Variants in MAOA observed in about 807,000 individuals in gnomAD.
MAOA encodes amine oxidase [flavin-containing] A.
MAOA carries 6 observed loss-of-function variants against 42.0 expected under a neutral mutation model. The ratio of observed to expected loss-of-function variants is 0.14; its 90% CI spans 0.08 to 0.28. The LOEUF is 0.28. MAOA is among the 10% of genes least tolerant of loss of function. The pLI is 1.00. For missense variants in MAOA, 262 were observed against 422.3 expected, an observed-to-expected ratio of 0.62 and a Z score of 3.33; for synonymous variants, 140 against 154.0, an observed-to-expected ratio of 0.91 and a Z score of 0.67.
At chrX:43,743,330 T>G (rs2033974586) in intron 12 of MAOA, among the ~76,000 whole-genome samples, 1 of 111,184 alleles carries the variant, frequency 9.0e-6, no homozygotes, top group Non-Finnish European at 1.9e-5. Context: ...CCAGAAATGA[T>G]AGTTGACGTC....
At chrX:43,687,791 CAG>C (rs757448087) in intron 2 of MAOA, among the ~76,000 whole-genome samples, 3 of 112,551 alleles carry the variant, frequency 2.7e-5, no homozygotes, top group East Asian at 2.8e-4. Context: ...CGAAAAAACT[CAG>C]AGTCATGCTC....
chrX:43,693,483 A>T, intron 3 of MAOA, 55 bp downstream of exon 3: 1 of 1,164,304 alleles, frequency 8.6e-7, no homozygotes. Flanking sequence ...ATTTGAGAAA[A>T]CATTTGGTTT....
intron 5 of MAOA, among the ~76,000 whole-genome samples, chrX:43,722,075 T>C (rs1362175041): frequency 8.9e-6 from 1 of 112,086 alleles, no homozygotes; most frequent in Non-Finnish European, 1.9e-5. Flanking sequence ...CACATTTTCT[T>C]CATCCAGTCT....
At chrX:43,684,536 C>CAAACAAAACAAAACA (rs751315529) in intron 2 of MAOA, among the ~76,000 whole-genome samples, 20 of 103,175 alleles carry the variant, frequency 1.9e-4, no homozygotes, top group East Asian at 3.1e-4. Context: ...AATATGAAGG[C>CAAACAAAACAAAACA]AAACAAAACA....
chrX:43,670,389 C>T (rs988925946), intron 1 of MAOA, among the ~76,000 whole-genome samples: 4 of 110,841 alleles, frequency 3.6e-5, no homozygotes, highest in African/African-American at 9.8e-5. Context: ...GGCATACATA[C>T]CATTGAATTT....
intron 5 of MAOA, among the ~76,000 whole-genome samples, chrX:43,726,116 A>G (rs765538413): frequency 2.7e-5 from 3 of 110,570 alleles, no homozygotes; most frequent in Non-Finnish European, 5.7e-5. Flanking sequence ...TTTTTCCTTC[A>G]TTTCAACCTT....
chrX:43,707,926 C>T (rs28375424), intron 3 of MAOA, among the ~76,000 whole-genome samples: 16,960 of 111,429 alleles, frequency 0.15, 3,059 homozygotes, highest in African/African-American at 0.52. Context: ...AACTCTCCAA[C>T]GTGCCAATCA....
chrX:43,722,125 A>G (rs938048168), intron 5 of MAOA, among the ~76,000 whole-genome samples: 2 of 111,765 alleles, frequency 1.8e-5, no homozygotes, highest in Admixed American at 9.5e-5. Flanking sequence ...AGACTTTGCT[A>G]TTGTTAACAG....
chrX:43,694,956 A>G (rs758785022), intron 3 of MAOA, among the ~76,000 whole-genome samples: 2 of 111,944 alleles, frequency 1.8e-5, no homozygotes, highest in Non-Finnish European at 3.8e-5. Flanking sequence ...CAACAACTAA[A>G]AGCTTTTTAT....
At chrX:43,707,132 G>A (rs1401904864) in intron 3 of MAOA, among the ~76,000 whole-genome samples, 2 of 111,368 alleles carry the variant, frequency 1.8e-5, no homozygotes, top group Non-Finnish European at 3.8e-5. Context: ...GAGTTCCCCA[G>A]GGAAATGGGA....
chrX:43,711,752 C>T (rs992517911), intron 3 of MAOA, 120 bp from the exon 4 acceptor site: 3 of 538,751 alleles, frequency 5.6e-6, no homozygotes, highest in Non-Finnish European at 9.9e-6. Flanking sequence ...GTTTCTGACA[C>T]AGTAGAGGGT....
At position 43,745,028 on chromosome X, in the gene MAOA, A is replaced by C; in HGVS notation, c.*515A>C. The C allele has an allele frequency of 6.6e-6, 1 of 151,995 alleles. No homozygotes were observed. Among genetic ancestry groups the C allele is most frequent in the Non-Finnish European group, 1.3e-5 (1 of 77,731 alleles). 12.5% of individuals were successfully genotyped at this position (151,995 alleles called of 1,213,427 possible). A position where few individuals can be genotyped will look rare whatever the true frequency, so the allele number is the denominator to read the frequency against. On this transcript the variant is annotated 3_prime_UTR_variant, in exon 15 of 15. Transcript: ENST00000338702. Reference sequence around the variant, plus strand: ...CTCCACTTTGGATCAGGAAATAGTAAAGGAAAGCAGTGTTGGGGGTAGCGG... The same window carrying C: ...CTCCACTTTGGATCAGGAAATAGTACAGGAAAGCAGTGTTGGGGGTAGCGG...
chrX:43,666,844 C>T (rs1438479813), intron 1 of MAOA, among the ~76,000 whole-genome samples: 1 of 110,117 alleles, frequency 9.1e-6, no homozygotes, highest in Non-Finnish European at 1.9e-5. Context: ...TTGAGCACAT[C>T]GGCCTTTTTC....
chrX:43,730,558 C>T (rs2033872964), intron 6 of MAOA, among the ~76,000 whole-genome samples: 1 of 94,881 alleles, frequency 1.1e-5, no homozygotes, highest in Non-Finnish European at 2.0e-5. Context: ...GTGGTGCAAT[C>T]TCGGCTCACT....
intron 1 of MAOA, among the ~76,000 whole-genome samples, chrX:43,670,583 G>T (rs1292636275): frequency 1.1e-5 from 1 of 89,439 alleles, no homozygotes; most frequent in Non-Finnish European, 2.2e-5. Flanking sequence ...ATCTCCTAAT[G>T]CTATCCCTCC....
intron 3 of MAOA, among the ~76,000 whole-genome samples, chrX:43,709,175 C>T (rs2033681270): frequency 9.0e-6 from 1 of 110,572 alleles, no homozygotes; most frequent in South Asian, 3.9e-4. Context: ...TAAAATATTC[C>T]GTGGCTCCCA....
At chrX:43,706,483 T>C (rs1346870523) in intron 3 of MAOA, among the ~76,000 whole-genome samples, 2 of 111,088 alleles carry the variant, frequency 1.8e-5, no homozygotes, top group East Asian at 5.6e-4. Flanking sequence ...TAAATTTCTT[T>C]TAAAACCCTT....
At chrX:43,716,752 G>A (rs1197989737) in intron 5 of MAOA, among the ~76,000 whole-genome samples, 1 of 110,651 alleles carries the variant, frequency 9.0e-6, no homozygotes, top group Admixed American at 9.6e-5. Flanking sequence ...GTAGTGGTGG[G>A]GGGAGATGGG....
chrX:43,723,528 T>C (rs1333942512), intron 5 of MAOA, among the ~76,000 whole-genome samples: 8 of 112,026 alleles, frequency 7.1e-5, no homozygotes, highest in Non-Finnish European at 1.5e-4. Context: ...TTTTTGCACA[T>C]TGATTTTGTA....
Sources: allele counts gnomAD v4.1 joint callset (sites outside exome capture counted in the v4.1 genomes callset), GRCh38; gene constraint gnomAD v4.1.1; transcripts MANE v1.5; gene names NCBI Gene and HGNC (gene_info 2026-07-23, HGNC 2026-07-21).